The following JMJD1C variants were observed in gnomAD, a reference collection of about 807,000 sequenced individuals.
JMJD1C encodes the protein jumonji domain containing 1C, also known as jumonji domain-containing protein 1C.
In JMJD1C, 31 loss-of-function variants were observed where a neutral mutation model predicts 245.3. The ratio of observed to expected loss-of-function variants is 0.13; its 90% confidence interval spans 0.09 to 0.17. The LOEUF (loss-of-function observed/expected upper bound fraction) is 0.17, where lower values mean the gene tolerates loss of function less well. Ranked by LOEUF, JMJD1C falls within the 10% of genes least tolerant of loss-of-function variation. The pLI, the probability that JMJD1C is intolerant of heterozygous loss-of-function variation, is 1.00. For missense variants in JMJD1C, 2,691 were observed against 3,000.2 expected, an observed-to-expected ratio of 0.90 and a Z score of 2.41; for synonymous variants, 1,057 against 1,017.4, an observed-to-expected ratio of 1.04 and a Z score of -0.74.
At chr10:63,335,322 G>C (rs970396863) in intron 2 of JMJD1C, among the ~76,000 whole-genome samples, 2 of 152,122 alleles carry the variant, frequency 1.3e-5, no homozygotes, top group African/African-American at 2.4e-5. Context: ...ATGTAGGCAT[G>C]GGGGCAAAGC....
At chr10:63,222,438 A>G (rs1441416614) in intron 3 of JMJD1C, 2 of 920,242 alleles carry the variant, frequency 2.2e-6, no homozygotes, top group Non-Finnish European at 3.6e-6. Flanking sequence ...TACTTAAAGG[A>G]GTTGCTAAAT....
chr10:63,322,394 G>C (rs1441141843), intron 2 of JMJD1C, among the ~76,000 whole-genome samples: 1 of 152,146 alleles, frequency 6.6e-6, no homozygotes, highest in Non-Finnish European at 1.5e-5. Context: ...ATGAGCGCAA[G>C]AGATGGAAAG....
At chr10:63,313,909 TG>T (rs1939578829) in intron 2 of JMJD1C, among the ~76,000 whole-genome samples, 1 of 152,248 alleles carries the variant, frequency 6.6e-6, no homozygotes, top group South Asian at 2.1e-4. Context: ...TTGTTACTTT[TG>T]GCATGCAGAA....
At chr10:63,501,754 C>A (rs964060409) in intron 1 of JMJD1C, among the ~76,000 whole-genome samples, 40 of 151,908 alleles carry the variant, frequency 2.6e-4, no homozygotes, top group Admixed American at 2.2e-3. Context: ...CCAGCCTGGA[C>A]AACAGAGTGA....
chr10:63,308,199 A>G (rs1460343784), intron 2 of JMJD1C, among the ~76,000 whole-genome samples: 1 of 152,144 alleles, frequency 6.6e-6, no homozygotes, highest in East Asian at 1.9e-4. Context: ...GCATACTAAT[A>G]TCTAACGAAC....
chr10:63,243,497 G>C (rs1262523421), intron 3 of JMJD1C, among the ~76,000 whole-genome samples: 1 of 152,148 alleles, frequency 6.6e-6, no homozygotes, highest in Non-Finnish European at 1.5e-5. Flanking sequence ...TTGCACTCCA[G>C]CATGGGCAAG....
chr10:63,342,720 AATAAAT>A (rs1214304361), intron 2 of JMJD1C, among the ~76,000 whole-genome samples: 2 of 152,222 alleles, frequency 1.3e-5, no homozygotes, highest in East Asian at 1.9e-4. Flanking sequence ...GTTTTGTGTG[AATAAAT>A]ATAAGAAAAT....
chr10:63,439,301 TC>T (rs1554937445), intron 1 of JMJD1C, among the ~76,000 whole-genome samples: 1 of 152,216 alleles, frequency 6.6e-6, no homozygotes, highest in Non-Finnish European at 1.5e-5. Flanking sequence ...AATGTTCTGT[TC>T]CTGGCTTTCA....
At chr10:63,197,635 A>G (rs1845598582) in intron 12 of JMJD1C, 72 bp from the exon 13 acceptor site, 3 of 1,380,428 alleles carry the variant, frequency 2.2e-6, no homozygotes, top group African/African-American at 3.0e-5. Flanking sequence ...GCTGAAATAC[A>G]GAAGAAATAA....
At chr10:63,511,082 T>C (rs969213430) in intron 1 of JMJD1C, among the ~76,000 whole-genome samples, 1 of 152,250 alleles carries the variant, frequency 6.6e-6, no homozygotes, top group African/African-American at 2.4e-5. Flanking sequence ...AAAGTGGGTT[T>C]CTAGTTGATA....
chr10:63,286,045 T>C (rs1857949519), intron 2 of JMJD1C, among the ~76,000 whole-genome samples: 1 of 152,180 alleles, frequency 6.6e-6, no homozygotes, highest in Non-Finnish European at 1.5e-5. Context: ...AAATCAGAAA[T>C]TCTAGAAGTG....
Position 63,214,795 on chromosome 10 carries a change from C to T in JMJD1C, c.1372G>A (p.Glu458Lys). 1 of 1,613,766 alleles carries T rather than the reference C, an allele frequency of 6.2e-7. No homozygotes were observed. The highest frequency in any genetic ancestry group is 1.1e-5 in the South Asian group (1 of 91,072). Residue 458 changes from glutamate to lysine, a missense_variant, in exon 8 of 26, where the codon GAA becomes AAA. Transcript: ENST00000399262. ...KRKSVDTQLQ[E>K]DMIIHSSEQS... ...TCTGACGAATGAATAATCATATCTT[C>T]TTGAAGCTGAGTGTCAACAGACTTC...
rs985083382 is a variant in JMJD1C, at chr10:63,203,527, C to T, written c.5075-2850G>A. 3.1e-6 allele frequency: 3 copies of T among 974,316 alleles called. No individual in the cohort carries two copies. The Admixed American group carries it at 1.9e-4, about 60-fold the overall frequency. The allele number at this position is 974,316 out of a possible 1,614,324, so 60.4% of individuals were successfully genotyped here. A position where few individuals can be genotyped will look rare whatever the true frequency, so the allele number is the denominator to read the frequency against. On this transcript the variant is annotated intron_variant, in intron 10 of 25. Transcript: ENST00000399262. Reference sequence around the variant, plus strand: ...TAGAGAAATTAACTGTGATCATAAACCACTGGTTTTGTATTGTAGAATTTA... The same window carrying T: ...TAGAGAAATTAACTGTGATCATAAATCACTGGTTTTGTATTGTAGAATTTA...
intron 1 of JMJD1C, among the ~76,000 whole-genome samples, chr10:63,431,014 ACT>A (rs957218500): frequency 1.3e-5 from 2 of 152,160 alleles, no homozygotes; most frequent in Admixed American, 1.3e-4. Flanking sequence ...TGATCCACTG[ACT>A]CTGGCAAAAC....
Position 63,417,701 on chromosome 10 carries a change from C to T in JMJD1C, c.169-37219G>A, listed in dbSNP as rs544628144. On this transcript the variant is annotated intron_variant, in intron 1 of 25. Transcript: ENST00000399262. The stretch of plus-strand genomic sequence containing the variant: ...ATTATGCTATATTCTACAGAAGTTC[C>T]ATCATATTGTATATGTTAAATATTT... Among the ~76,000 whole-genome samples the T allele has an allele frequency of 3.9e-5, 6 of 152,174 alleles. No individual in the cohort carries two copies. In the South Asian group the frequency reaches 1.0e-3, roughly 26 times the overall value.
chr10:63,279,251 GAAAC>G (rs1229256269), intron 2 of JMJD1C, among the ~76,000 whole-genome samples: 3 of 151,948 alleles, frequency 2.0e-5, no homozygotes, highest in Non-Finnish European at 4.4e-5. Context: ...ACGTGGTCTC[GAAAC>G]AAACAAAACA....
intron 2 of JMJD1C, among the ~76,000 whole-genome samples, chr10:63,304,702 A>G (rs947456211): frequency 5.9e-5 from 9 of 152,228 alleles, no homozygotes; most frequent in Non-Finnish European, 8.8e-5. Context: ...CCTCAATTAA[A>G]TAAGGCCACA....
chr10:63,217,300 T>C lies in JMJD1C; in HGVS notation c.585A>G (p.Arg195=), dbSNP rs748055866. ...GPYSLNGYRV[R]VYRQDSATQW... ...GGGTGGCAGAGTCTTGTCTATATAC[T>C]CTCACTCTGTATCCATTTAAGGAAT... The change falls in exon 5 of 26, where the codon AGA becomes AGG. Residue 195 remains arginine (R), a synonymous_variant. Coordinates refer to ENST00000399262, the MANE Select transcript of JMJD1C (RefSeq NM_032776.3). The C allele has an allele frequency of 1.9e-6, 3 of 1,605,882 alleles. No individual in the cohort carries two copies. In the South Asian group the frequency reaches 3.3e-5, roughly 18 times the overall value.
chr10:63,386,131 C>T (rs1947570979), intron 1 of JMJD1C, among the ~76,000 whole-genome samples: 2 of 152,010 alleles, frequency 1.3e-5, no homozygotes, highest in South Asian at 4.1e-4. Context: ...AGTAAGTTAT[C>T]TCCCAAATCA....
Sources: allele counts gnomAD v4.1 joint callset (sites outside exome capture counted in the v4.1 genomes callset), GRCh38; gene constraint gnomAD v4.1.1; transcripts MANE v1.5; gene names NCBI Gene and HGNC (gene_info 2026-07-23, HGNC 2026-07-21).